Variants in SIRPB2 observed in about 807,000 individuals in gnomAD.
SIRPB2 encodes the protein signal regulatory protein beta 2, also known as signal-regulatory protein beta-2.
Under a neutral mutation model 27.1 loss-of-function variants are expected in SIRPB2, and 18 were observed. That is an observed-to-expected ratio of 0.66 (90% CI 0.46 to 0.98). SIRPB2 has a LOEUF of 0.98. Ranked by LOEUF, SIRPB2 falls within the 50% of genes least tolerant of loss-of-function variation. The probability of loss-of-function intolerance (pLI) is 0.00; values close to 1 mark genes in which losing one functional copy is unlikely to be tolerated. For synonymous variants in SIRPB2, 150 were observed against 164.6 expected, an observed-to-expected ratio of 0.91 and a Z score of 0.68; for missense variants, 420 against 417.4, an observed-to-expected ratio of 1.01 and a Z score of -0.06.
At chr20:1,477,818 G>A (rs190606643) in intron 3 of SIRPB2, among the ~76,000 whole-genome samples, 61 of 152,298 alleles carry the variant, frequency 4.0e-4, no homozygotes, top group African/African-American at 1.4e-3. Context: ...TGGGATTACA[G>A]GCATGCACCA....
downstream of SIRPB2, among the ~76,000 whole-genome samples, chr20:1,473,441 TGC>T (rs758191025): frequency 2.4e-4 from 37 of 151,896 alleles, no homozygotes; most frequent in Admixed American, 2.2e-3. Flanking sequence ...CACACATGCA[TGC>T]ACACACACCC....
chr20:1,477,747 C>A (rs2090620660), intron 3 of SIRPB2, among the ~76,000 whole-genome samples: 1 of 152,222 alleles, frequency 6.6e-6, no homozygotes, highest in African/African-American at 2.4e-5. Context: ...GCGATCTTGG[C>A]TCACTGCAAC....
chr20:1,472,395 A>C (rs2090583557), downstream of SIRPB2, among the ~76,000 whole-genome samples: 1 of 152,144 alleles, frequency 6.6e-6, no homozygotes, highest in South Asian at 2.1e-4. Flanking sequence ...GGATCCAAGC[A>C]GGGCCAACTT....
chr20:1,480,119 A>G, intron 1 of SIRPB2, 54 bp from the exon 2 acceptor site: 4 of 1,531,254 alleles, frequency 2.6e-6, no homozygotes, highest in Non-Finnish European at 3.5e-6. Flanking sequence ...TGGAGCCCTA[A>G]ATGACAAGCT....
chr20:1,478,216 G>C, intron 3 of SIRPB2, 50 bp downstream of exon 3: 1 of 1,561,346 alleles, frequency 6.4e-7, no homozygotes, highest in South Asian at 1.1e-5. Context: ...AAAAATTCCT[G>C]TTGAATACCT....
At chr20:1,482,577 C>G (rs1279495392) in intron 1 of SIRPB2, among the ~76,000 whole-genome samples, 1 of 134,208 alleles carries the variant, frequency 7.5e-6, no homozygotes, top group African/African-American at 3.0e-5. Context: ...CTTTCTCCTT[C>G]CCTCCCTCCC....
rs1394687210 is a variant in SIRPB2, at chr20:1,478,549, C to T, written c.510G>A (p.Gly170=). 1 of 1,610,102 alleles carries T rather than the reference C, an allele frequency of 6.2e-7. No individual in the cohort carries two copies. Among genetic ancestry groups the T allele is most frequent in the Non-Finnish European group, 8.5e-7 (1 of 1,177,282 alleles). The change falls in exon 3 of 5, where the codon GGG becomes GGA. Residue 170 remains glycine, a synonymous_variant. Transcript: ENST00000359801. ...WIIQPQELVL[G]TTGDTVFLNC... is the part of the protein sequence containing the mutation. ...TCAGAAAGACAGTGTCTCCAGTGGTCCCCAACACCAATTCCTGGGGCTGGA... is the reference window on the plus strand; with the variant it reads ...TCAGAAAGACAGTGTCTCCAGTGGTTCCCAACACCAATTCCTGGGGCTGGA...
chr20:1,483,033 T>C (rs773600115), intron 1 of SIRPB2, among the ~76,000 whole-genome samples: 2 of 152,164 alleles, frequency 1.3e-5, no homozygotes, highest in Non-Finnish European at 1.5e-5. Flanking sequence ...CTCCATACTG[T>C]TTTCCATAGT....
At chr20:1,478,743 C>G in intron 2 of SIRPB2, 136 bp from the exon 3 acceptor site, 2 of 694,370 alleles carry the variant, frequency 2.9e-6, no homozygotes, top group Non-Finnish European at 4.7e-6. Context: ...TTCTTTATTA[C>G]TCACCAGTTG....
At chr20:1,481,252 G>A (rs142805661) in intron 1 of SIRPB2, among the ~76,000 whole-genome samples, 1 of 152,264 alleles carries the variant, frequency 6.6e-6, no homozygotes, top group African/African-American at 2.4e-5. Flanking sequence ...CTGTGCTCAA[G>A]TGATTCCTTC....
chr20:1,479,938 T>A lies in SIRPB2; in HGVS notation c.213A>T (p.Ile71=). 6.2e-7 allele frequency: 1 copy of A among 1,614,220 alleles called. No individual in the cohort carries two copies. Among genetic ancestry groups the A allele is most frequent in the Non-Finnish European group, 8.5e-7 (1 of 1,180,032 alleles). ...CCTGAGTGCTCACCTTCACCCATTT[T>A]ATCATACCATCAGTGCAGGAGCCGA... ...MVVGSCTDGM[I]KWVKVSTQDQ... The change falls in exon 2 of 5, where the codon ATA becomes ATT. Residue 71 remains isoleucine (I), a synonymous_variant. Coordinates refer to ENST00000359801, the MANE Select transcript of SIRPB2 (RefSeq NM_001122962.2).
At chr20:1,488,776 T>G (rs1001169844) in intron 1 of SIRPB2, among the ~76,000 whole-genome samples, 52 of 152,164 alleles carry the variant, frequency 3.4e-4, no homozygotes, top group African/African-American at 1.1e-3. Flanking sequence ...CTGATGAGAA[T>G]GTAAAATGGT....
intron 1 of SIRPB2, among the ~76,000 whole-genome samples, chr20:1,483,321 G>A (rs1600018681): frequency 6.6e-6 from 1 of 150,568 alleles, no homozygotes; most frequent in South Asian, 2.1e-4. Context: ...TGGTCAGGCT[G>A]GTCTCGAACC....
chr20:1,488,569 G>A (rs2090748953), intron 1 of SIRPB2, among the ~76,000 whole-genome samples: 1 of 152,010 alleles, frequency 6.6e-6, no homozygotes, highest in Non-Finnish European at 1.5e-5. Context: ...GATCGCTTGA[G>A]CCAGGGAGAT....
At chr20:1,487,138 A>C (rs1342223774) in intron 1 of SIRPB2, among the ~76,000 whole-genome samples, 1 of 152,236 alleles carries the variant, frequency 6.6e-6, no homozygotes, top group African/African-American at 2.4e-5. Context: ...TAAAAGATCA[A>C]TGTACAAAAT....
downstream of SIRPB2, chr20:1,472,563 G>C (rs1204981073): frequency 6.6e-6 from 1 of 152,184 alleles, no homozygotes; most frequent in Non-Finnish European, 1.5e-5. Context: ...ATAGCCTAAT[G>C]AAATAATGTA....
At chr20:1,486,056 T>TTTTTCTTTTCTTTTC (rs201361624) in intron 1 of SIRPB2, among the ~76,000 whole-genome samples, 3 of 145,002 alleles carry the variant, frequency 2.1e-5, no homozygotes, top group South Asian at 4.5e-4. Flanking sequence ...TTTCCATATC[T>TTTTTCTTTTCTTTTC]TTTTCTTTTC....
intron 1 of SIRPB2, among the ~76,000 whole-genome samples, chr20:1,485,094 AG>A (rs967566187): frequency 7.9e-5 from 12 of 152,202 alleles, no homozygotes; most frequent in African/African-American, 2.9e-4. Context: ...AAGTGAGTGT[AG>A]GGAGAGGGGC....
At chr20:1,487,439 T>C (rs2090736971) in intron 1 of SIRPB2, among the ~76,000 whole-genome samples, 2 of 152,244 alleles carry the variant, frequency 1.3e-5, no homozygotes, top group African/African-American at 4.8e-5. Flanking sequence ...CACTTTAGCA[T>C]TGATAAACTA....
Sources: gnomAD v4.1 joint callset for allele counts (sites outside exome capture counted in the v4.1 genomes callset) on GRCh38, gnomAD v4.1.1 for gene constraint, MANE v1.5 for transcripts, NCBI Gene and HGNC (gene_info 2026-07-23, HGNC 2026-07-21) for gene names.